CCDC85A: variants seen among roughly 807,000 people sequenced by gnomAD.
CCDC85A encodes coiled-coil domain-containing protein 85A.
A neutral mutation model predicts 50.2 loss-of-function variants in CCDC85A; 38 were observed. The observed-to-expected ratio is 0.76, with a 90% CI of 0.58 to 0.99. CCDC85A has a LOEUF of 0.99. Ranked by LOEUF, CCDC85A falls within the 50% of genes least tolerant of loss-of-function variation. The pLI is 0.00. For missense variants in CCDC85A, 820 were observed against 742.0 expected (o/e 1.11, Z -1.22); for synonymous variants, 366 against 301.4 (o/e 1.21, Z -2.22).
intron 2 of CCDC85A, among the ~76,000 whole-genome samples, chr2:56,213,545 GGTT>G (rs1252453181): frequency 6.6e-6 from 1 of 151,870 alleles, no homozygotes; most frequent in African/African-American, 2.4e-5. Context: ...TGTTCTAAGA[GGTT>G]GTTCTGCATC....
chr2:56,187,877 G>C (rs568007697), intron 1 of CCDC85A, among the ~76,000 whole-genome samples: 2 of 152,220 alleles, frequency 1.3e-5, no homozygotes, highest in African/African-American at 4.8e-5. Flanking sequence ...CAGTATCCCA[G>C]TTGGGGGCTG....
rs114232440 is a variant in CCDC85A at position 56,336,059 on chromosome 2, C to T, written c.1241-6820C>T. 9.0e-3 allele frequency among the ~76,000 whole-genome samples: 1,370 copies of T among 152,290 alleles called. 28 individuals carry two copies. The highest frequency in any genetic ancestry group is 0.03 in the African/African-American group (1,248 of 41,550). ...ATAAACAGTCAAGCCAACACAGAGA[C>T]TAATTCTTAGAGAGCCACATAAAAG... is the stretch of plus-strand genomic sequence containing the variant. On this transcript the variant is annotated intron_variant, in intron 2 of 5. Coordinates refer to ENST00000407595, the MANE Select transcript of CCDC85A (RefSeq NM_001080433.2).
At chr2:56,383,803 G>C in intron 5 of CCDC85A, 2 of 913,540 alleles carry the variant, frequency 2.2e-6, no homozygotes, top group Non-Finnish European at 2.6e-6. Flanking sequence ...TGTTATGGAT[G>C]TATAATATAG....
intron 1 of CCDC85A, among the ~76,000 whole-genome samples, chr2:56,189,295 G>GTTTTTTTTTTTTTTTTTTTTTTTTT (rs773078371): frequency 1.0e-5 from 1 of 100,444 alleles, no homozygotes; most frequent in African/African-American, 4.5e-5. Context: ...GGTATTTTTG[G>GTTTTTTTTTTTTTTTTTTTTTTTTT]TGTTTTTTTT....
intron 2 of CCDC85A, among the ~76,000 whole-genome samples, chr2:56,269,421 T>G (rs1394398870): frequency 6.6e-6 from 1 of 152,122 alleles, no homozygotes; most frequent in Non-Finnish European, 1.5e-5. Context: ...GTAATAGATT[T>G]CATTTTCTCA....
chr2:56,295,380 G>A (rs1206410300), intron 2 of CCDC85A, among the ~76,000 whole-genome samples: 1 of 152,176 alleles, frequency 6.6e-6, no homozygotes, highest in African/African-American at 2.4e-5. Context: ...ATCTTCCATG[G>A]TGAGTTGACT....
In CCDC85A at chr2:56,193,293, CATT is replaced by C; in HGVS notation, c.1096_1098del (p.Tyr366del). 1.2e-6 allele frequency: 2 copies of C among 1,613,900 alleles called. No individual in the cohort carries two copies. The highest frequency in any genetic ancestry group is 1.7e-6 in the Non-Finnish European group (2 of 1,179,836). ...CACCAGCCCGGAGCACCTCAAACAA[CATT>C]ATGGAGGGAGCCCTGATCACAAACA... On this transcript the variant is annotated inframe_deletion, in exon 2 of 6. Coordinates refer to ENST00000407595, the MANE Select transcript of CCDC85A (RefSeq NM_001080433.2).
At chr2:56,237,059 C>T (rs558698499) in intron 2 of CCDC85A, among the ~76,000 whole-genome samples, 7 of 152,090 alleles carry the variant, frequency 4.6e-5, no homozygotes, top group African/African-American at 9.6e-5. Context: ...TGATTTGATG[C>T]GAAAGGGCAT....
chr2:56,235,691 C>T (rs1196881759), intron 2 of CCDC85A, among the ~76,000 whole-genome samples: 1 of 152,042 alleles, frequency 6.6e-6, no homozygotes, highest in Non-Finnish European at 1.5e-5. Flanking sequence ...AAGACATGCA[C>T]AAAATTCAAT....
chr2:56,304,904 A>ACC (rs1491197490), intron 2 of CCDC85A, among the ~76,000 whole-genome samples: 1 of 148,166 alleles, frequency 6.7e-6, no homozygotes, highest in African/African-American at 2.6e-5. Flanking sequence ...ACTAAAAAAA[A>ACC]CAAAAAACAA....
At chr2:56,351,796 G>T (rs949635275) in intron 3 of CCDC85A, among the ~76,000 whole-genome samples, 4 of 151,544 alleles carry the variant, frequency 2.6e-5, no homozygotes, top group South Asian at 2.1e-4. Flanking sequence ...CTCCCATTTT[G>T]TAGGTTGCCT....
At chr2:56,332,081 G>T (rs1247741974) in intron 2 of CCDC85A, among the ~76,000 whole-genome samples, 1 of 152,180 alleles carries the variant, frequency 6.6e-6, no homozygotes, top group Non-Finnish European at 1.5e-5. Context: ...GGGAGGTGGG[G>T]TGGGGTGAAA....
intron 3 of CCDC85A, among the ~76,000 whole-genome samples, chr2:56,347,674 A>G (rs960073179): frequency 1.3e-5 from 2 of 152,220 alleles, no homozygotes; most frequent in Non-Finnish European, 2.9e-5. Context: ...TATGCTTAAC[A>G]GAATGTGGTA....
At chr2:56,322,493 A>G (rs1029329407) in intron 2 of CCDC85A, among the ~76,000 whole-genome samples, 21 of 152,340 alleles carry the variant, frequency 1.4e-4, no homozygotes, top group African/African-American at 4.3e-4. Context: ...GGATATGAAC[A>G]GACAATTCTC....
chr2:56,313,232 G>A (rs1189151255), intron 2 of CCDC85A, among the ~76,000 whole-genome samples: 2 of 152,032 alleles, frequency 1.3e-5, no homozygotes, highest in Admixed American at 1.3e-4. Context: ...CAGTCTTTAT[G>A]TAAGACTTTA....
intron 1 of CCDC85A, among the ~76,000 whole-genome samples, chr2:56,191,368 T>C (rs1016718622): frequency 3.9e-5 from 6 of 152,190 alleles, no homozygotes; most frequent in African/African-American, 4.8e-5. Flanking sequence ...GACTGGTACC[T>C]GGTACAGTAA....
chr2:56,373,069 T>G (rs962216859), intron 4 of CCDC85A, among the ~76,000 whole-genome samples: 1 of 152,228 alleles, frequency 6.6e-6, no homozygotes. Context: ...CATAGAAAAC[T>G]AACCTTTTAT....
At chr2:56,248,844 G>A (rs530105600) in intron 2 of CCDC85A, among the ~76,000 whole-genome samples, 1 of 152,244 alleles carries the variant, frequency 6.6e-6, no homozygotes, top group South Asian at 2.1e-4. Flanking sequence ...ACTGGCCAAG[G>A]TCATATGGAT....
chr2:56,272,201 G>A (rs1184676448), intron 2 of CCDC85A, among the ~76,000 whole-genome samples: 2 of 152,116 alleles, frequency 1.3e-5, no homozygotes, highest in Non-Finnish European at 2.9e-5. Context: ...TATGGGATAG[G>A]TGGTGTCAGT....
Sources: allele counts gnomAD v4.1 joint callset (sites outside exome capture counted in the v4.1 genomes callset), GRCh38; gene constraint gnomAD v4.1.1; transcripts MANE v1.5; gene names NCBI Gene and HGNC (gene_info 2026-07-23, HGNC 2026-07-21).